Variants in DLG2 observed in about 807,000 individuals in gnomAD.
DLG2 encodes the protein disks large homolog 2.
In DLG2, 45 loss-of-function variants were observed where a neutral mutation model predicts 132.5. The ratio of observed to expected loss-of-function variants is 0.34; its 90% CI spans 0.27 to 0.44. The LOEUF (loss-of-function observed/expected upper bound fraction) is 0.44, where lower values mean the gene tolerates loss of function less well. Among genes scored for constraint, DLG2 ranks in the 20% least tolerant of loss-of-function variants. The pLI is 1.00. For missense variants in DLG2, 1,045 were observed against 1,196.9 expected, an observed-to-expected ratio of 0.87 and a Z score of 1.87; for synonymous variants, 424 against 419.6, an observed-to-expected ratio of 1.01 and a Z score of -0.13.
chr11:84,296,645 G>T (rs969953439), intron 7 of DLG2, among the ~76,000 whole-genome samples: 2 of 152,000 alleles, frequency 1.3e-5, no homozygotes, highest in South Asian at 4.2e-4. Flanking sequence ...CCACTATGTT[G>T]CTCAGGCTGG....
At chr11:84,135,145 T>TAGAAC (rs550094899) in intron 9 of DLG2, among the ~76,000 whole-genome samples, 43 of 152,160 alleles carry the variant, frequency 2.8e-4, no homozygotes, top group South Asian at 1.0e-3. Flanking sequence ...GTACTAAGCC[T>TAGAAC]AGAACAGAAC....
intron 19 of DLG2, among the ~76,000 whole-genome samples, chr11:83,602,655 A>T (rs1432410884): frequency 1.3e-5 from 2 of 151,680 alleles, no homozygotes; most frequent in Non-Finnish European, 2.9e-5. Context: ...ACTGGACAAA[A>T]TTTTTTTTTA....
chr11:84,273,653 A>T (rs2097758402), intron 7 of DLG2, among the ~76,000 whole-genome samples: 1 of 152,206 alleles, frequency 6.6e-6, no homozygotes, highest in Non-Finnish European at 1.5e-5. Context: ...GTGGAATTTA[A>T]GTAGCTTGTG....
chr11:85,140,785 A>C (rs1333084615), intron 5 of DLG2, among the ~76,000 whole-genome samples: 1 of 151,810 alleles, frequency 6.6e-6, no homozygotes, highest in East Asian at 1.9e-4. Context: ...TCTCTCCATG[A>C]GTTCAACTGT....
At chr11:84,763,390 G>C (rs1290912271) in intron 6 of DLG2, 1 of 152,112 alleles carries the variant, frequency 6.6e-6, no homozygotes, top group Non-Finnish European at 1.5e-5. Flanking sequence ...TCCATCTCTT[G>C]AGTTTAATCA....
intron 4 of DLG2, among the ~76,000 whole-genome samples, chr11:85,187,230 C>T (rs1443904181): frequency 6.6e-6 from 1 of 151,914 alleles, no homozygotes; most frequent in Non-Finnish European, 1.5e-5. Context: ...TAAAATTATC[C>T]TTGACTAAAA....
chr11:83,820,100 A>G (rs117731179), intron 17 of DLG2, among the ~76,000 whole-genome samples: 1 of 152,194 alleles, frequency 6.6e-6, no homozygotes, highest in African/African-American at 2.4e-5. Context: ...GCAAAAGGCC[A>G]CATTCCACTA....
chr11:84,844,594 C>CTTTTTTTT (rs2081236237), intron 6 of DLG2, among the ~76,000 whole-genome samples: 1 of 151,944 alleles, frequency 6.6e-6, no homozygotes, highest in Non-Finnish European at 1.5e-5. Flanking sequence ...CTCTTTCTTG[C>CTTTTTTTT]TCTATTTTTA....
intron 7 of DLG2, among the ~76,000 whole-genome samples, chr11:84,397,358 G>A (rs981453349): frequency 2.6e-5 from 4 of 152,184 alleles, no homozygotes; most frequent in African/African-American, 4.8e-5. Flanking sequence ...ACTTCTATCT[G>A]AGACAATGCT....
chr11:83,694,825 G>A (rs920426415), intron 18 of DLG2, among the ~76,000 whole-genome samples: 4 of 152,214 alleles, frequency 2.6e-5, no homozygotes, highest in Non-Finnish European at 4.4e-5. Context: ...TCTACTCCAC[G>A]ATGAAAGATC....
At chr11:85,589,312 AGGT>A (rs1346022613) in intron 3 of DLG2, among the ~76,000 whole-genome samples, 5 of 152,184 alleles carry the variant, frequency 3.3e-5, no homozygotes, top group Non-Finnish European at 7.3e-5. Context: ...TACAGGCAGA[AGGT>A]GGTGCTTTCA....
intron 11 of DLG2, among the ~76,000 whole-genome samples, chr11:84,051,026 C>A (rs139815433): frequency 0.014 from 2,147 of 151,992 alleles, 42 homozygotes; most frequent in African/African-American, 0.049. Context: ...TGAAAAAATG[C>A]TCATCATCGC....
intron 4 of DLG2, among the ~76,000 whole-genome samples, chr11:85,171,185 C>A (rs977859393): frequency 6.6e-6 from 1 of 152,060 alleles, no homozygotes; most frequent in African/African-American, 2.4e-5. Flanking sequence ...AAACAGGAAG[C>A]GAATTCTGTA....
At chr11:85,153,663 A>G (rs896118104) in intron 5 of DLG2, among the ~76,000 whole-genome samples, 2 of 152,188 alleles carry the variant, frequency 1.3e-5, no homozygotes, top group Admixed American at 6.5e-5. Context: ...TTAAATATGA[A>G]GTATTTATTC....
chr11:84,353,091 C>T (rs1240881255), intron 7 of DLG2, among the ~76,000 whole-genome samples: 2 of 152,096 alleles, frequency 1.3e-5, no homozygotes, highest in Admixed American at 1.3e-4. Flanking sequence ...CATTGTGTCT[C>T]CCTCCTATTT....
chr11:85,392,707 T>G (rs1448721650), intron 3 of DLG2, among the ~76,000 whole-genome samples: 2 of 151,822 alleles, frequency 1.3e-5, no homozygotes, highest in African/African-American at 2.4e-5. Context: ...GCAGACAAAA[T>G]CATAAAGTGG....
At chr11:83,970,894 T>A (rs1035871268) in intron 12 of DLG2, among the ~76,000 whole-genome samples, 2 of 152,194 alleles carry the variant, frequency 1.3e-5, no homozygotes, top group African/African-American at 4.8e-5. Flanking sequence ...GTGGTCTTTT[T>A]AAAAATTCAG....
intron 6 of DLG2, among the ~76,000 whole-genome samples, chr11:84,748,644 T>C (rs866430529): frequency 3.2e-4 from 49 of 152,202 alleles, no homozygotes; most frequent in African/African-American, 7.0e-4. Flanking sequence ...TAAATTTTGG[T>C]CCTTTATTGC....
chr11:85,317,939 T>C (rs1445283039), intron 3 of DLG2, among the ~76,000 whole-genome samples: 16 of 151,888 alleles, frequency 1.1e-4, no homozygotes, highest in Admixed American at 9.9e-4. Flanking sequence ...ATATATTTCA[T>C]GTAAGTGTGC....
Sources: allele counts gnomAD v4.1 joint callset (sites outside exome capture counted in the v4.1 genomes callset), GRCh38; gene constraint gnomAD v4.1.1; transcripts MANE v1.5; gene names NCBI Gene and HGNC (gene_info 2026-07-23, HGNC 2026-07-21).